SRPK2: variants seen among roughly 807,000 people sequenced by gnomAD.
SRPK2 encodes the protein SFRS protein kinase 2.
SRPK2 carries 21 observed loss-of-function variants against 90.8 expected under a neutral mutation model. That is an observed-to-expected ratio of 0.23 (90% confidence interval 0.16 to 0.33). SRPK2 has a LOEUF of 0.33. Among genes scored for constraint, SRPK2 ranks in the 10% least tolerant of loss-of-function variants. The probability of loss-of-function intolerance (pLI) is 1.00; values close to 1 mark genes in which losing one functional copy is unlikely to be tolerated. For synonymous variants in SRPK2, 288 were observed against 311.1 expected, an observed-to-expected ratio of 0.93 and a Z score of 0.78; for missense variants, 620 against 869.0, an observed-to-expected ratio of 0.71 and a Z score of 3.60.
intron 2 of SRPK2, among the ~76,000 whole-genome samples, chr7:105,254,568 A>G (rs1802960683): frequency 6.6e-6 from 1 of 152,156 alleles, no homozygotes; most frequent in African/African-American, 2.4e-5. Context: ...GAAAATTTGC[A>G]TATGTTAAGT....
chr7:105,232,717 T>TAAA lies in SRPK2; in HGVS notation c.72-28935_72-28933dup, dbSNP rs34306095. Among the ~76,000 whole-genome samples the TAAA allele has an allele frequency of 3.3e-5, 5 of 150,348 alleles. No individual in the cohort carries two copies. In the East Asian group the frequency reaches 1.0e-3, roughly 31 times the overall value. On this transcript the variant is annotated intron_variant, in intron 2 of 15. Coordinates refer to ENST00000393651, the MANE Select transcript of SRPK2 (RefSeq NM_182692.3). ...CCATTAAAAAAAACAACAATAATAA[T>TAAA]AAAAAAAAAAAAGATAACCAGGCTC...
chr7:105,334,835 A>C (rs1262240051), intron 2 of SRPK2, among the ~76,000 whole-genome samples: 1 of 126,132 alleles, frequency 7.9e-6, no homozygotes, highest in South Asian at 2.4e-4. Flanking sequence ...GATACAGACC[A>C]AAAAAAAAAA....
intron 3 of SRPK2, among the ~76,000 whole-genome samples, chr7:105,171,240 C>T (rs532306194): frequency 2.0e-5 from 3 of 152,228 alleles, no homozygotes; most frequent in Admixed American, 1.3e-4. Flanking sequence ...TACAAACTAG[C>T]ATGGATAATA....
chr7:105,373,879 C>A (rs998392702), intron 2 of SRPK2, among the ~76,000 whole-genome samples: 1 of 152,122 alleles, frequency 6.6e-6, no homozygotes, highest in African/African-American at 2.4e-5. Flanking sequence ...TCACTTTCAA[C>A]TTGGTTATGC....
intron 2 of SRPK2, among the ~76,000 whole-genome samples, chr7:105,301,271 T>C (rs1585614913): frequency 7.4e-6 from 1 of 135,150 alleles, no homozygotes. Context: ...TGAAACCCCG[T>C]CTCTACTAAA....
chr7:105,204,853 TA>T, intron 2 of SRPK2: 1 of 463,784 alleles, frequency 2.2e-6, no homozygotes, highest in Non-Finnish European at 4.2e-6. Flanking sequence ...TTCAAAGACC[TA>T]AGCCCTAGTT....
chr7:105,253,895 A>T (rs571412383), intron 2 of SRPK2, among the ~76,000 whole-genome samples: 1,013 of 62,998 alleles, frequency 0.016, 6 homozygotes, highest in Middle Eastern at 0.031. Context: ...TCTTTATTTT[A>T]AAAAAAAACA....
At position 105,373,093 on chromosome 7, in the gene SRPK2, A is replaced by T. The variant is rs148866421; in HGVS notation, c.71+15555T>A. ...GACAAGAGTGGAACTCCATCTCAAA[A>T]AAAATCTGTGGGTCCTATTGGACCT... On this transcript the variant is annotated intron_variant, in intron 2 of 15. Transcript: ENST00000393651. Among the ~76,000 whole-genome samples the T allele has an allele frequency of 1.1e-3, 162 of 152,274 alleles. 1 individual carries two copies. Among genetic ancestry groups the T allele is most frequent in the African/African-American group, 3.3e-3 (138 of 41,570 alleles).
At chr7:105,274,093 C>G (rs1806176027) in intron 2 of SRPK2, among the ~76,000 whole-genome samples, 1 of 152,122 alleles carries the variant, frequency 6.6e-6, no homozygotes. Context: ...TTCAACAACC[C>G]AAATAGTAAA....
intron 2 of SRPK2, among the ~76,000 whole-genome samples, chr7:105,260,166 C>A (rs1804002824): frequency 6.6e-6 from 1 of 152,080 alleles, no homozygotes; most frequent in African/African-American, 2.4e-5. Context: ...CCAGAATCTA[C>A]CAAGAACTTA....
At chr7:105,329,311 G>C (rs753863652) in intron 2 of SRPK2, among the ~76,000 whole-genome samples, 8 of 152,168 alleles carry the variant, frequency 5.3e-5, no homozygotes, top group Non-Finnish European at 1.0e-4. Flanking sequence ...GGATGGATAA[G>C]GTAGTTTTGA....
At chr7:105,389,267 G>A (rs746074592), upstream of SRPK2, 286 of 1,269,772 alleles carry the variant, frequency 2.3e-4, 1 homozygote, top group Non-Finnish European at 7.7e-5. Context: ...GCCGCCCGCT[G>A]CTCCATGCGC....
At chr7:105,127,420 C>T (rs1470899334) in intron 13 of SRPK2, among the ~76,000 whole-genome samples, 1 of 152,210 alleles carries the variant, frequency 6.6e-6, no homozygotes, top group Non-Finnish European at 1.5e-5. Flanking sequence ...CCGTCTGACT[C>T]CAGCACCTGC....
intron 3 of SRPK2, among the ~76,000 whole-genome samples, chr7:105,190,659 A>C (rs143602513): frequency 1.1e-4 from 16 of 152,250 alleles, no homozygotes; most frequent in African/African-American, 3.9e-4. Flanking sequence ...AATGTGCCAC[A>C]CTGTTAGACT....
At chr7:105,200,476 G>T (rs1795411880) in intron 3 of SRPK2, among the ~76,000 whole-genome samples, 1 of 152,114 alleles carries the variant, frequency 6.6e-6, no homozygotes, top group Non-Finnish European at 1.5e-5. Context: ...GAATTTATCA[G>T]TCCACCCGAG....
At chr7:105,397,636 T>G (rs2132926479) in intron 1 of SRPK2, among the ~76,000 whole-genome samples, 1 of 151,224 alleles carries the variant, frequency 6.6e-6, no homozygotes, top group East Asian at 2.0e-4. Flanking sequence ...CCTAGAGTGA[T>G]ATTTTAAAGT....
At chr7:105,176,344 T>A (rs1241524340) in intron 3 of SRPK2, among the ~76,000 whole-genome samples, 1 of 152,074 alleles carries the variant, frequency 6.6e-6, no homozygotes, top group Non-Finnish European at 1.5e-5. Flanking sequence ...ACAGATAACA[T>A]CAGATTTAAC....
chr7:105,369,125 T>TTTATTATTATTATTA (rs10593124), intron 2 of SRPK2, among the ~76,000 whole-genome samples: 234 of 143,314 alleles, frequency 1.6e-3, no homozygotes, highest in South Asian at 5.4e-3. Context: ...CAAGATTTAT[T>TTTATTATTATTATTA]TTATTATTAT....
At chr7:105,118,125 C>G (rs1167034954) in intron 15 of SRPK2, 103 bp from the exon 16 acceptor site, 11 of 1,150,264 alleles carry the variant, frequency 9.6e-6, no homozygotes, top group Non-Finnish European at 1.1e-5. Context: ...ACCACCTGCT[C>G]AACACTTGTA....
Sources: gnomAD v4.1 joint callset for allele counts (sites outside exome capture counted in the v4.1 genomes callset) on GRCh38, gnomAD v4.1.1 for gene constraint, MANE v1.5 for transcripts, NCBI Gene and HGNC (gene_info 2026-07-23, HGNC 2026-07-21) for gene names.